APPL2: variants seen among roughly 807,000 people sequenced by gnomAD.
The protein encoded by APPL2 is DCC-interacting protein 13-beta.
APPL2 carries 84 observed loss-of-function variants against 92.7 expected under a neutral mutation model. The ratio of observed to expected loss-of-function variants is 0.91; its 90% CI spans 0.76 to 1.09. The LOEUF is 1.09. APPL2 is among the 50% of genes least tolerant of loss of function. The pLI is 0.00. For synonymous variants in APPL2, 291 were observed against 291.0 expected (o/e 1.00, Z 0.00); for missense variants, 736 against 824.5 (o/e 0.89, Z 1.31).
intron 4 of APPL2, among the ~76,000 whole-genome samples, chr12:105,214,020 T>C (rs1394321634): frequency 6.6e-6 from 1 of 152,058 alleles, no homozygotes; most frequent in African/African-American, 2.4e-5. Context: ...ACCCCGTCTC[T>C]ACTAAAAATA....
rs1352538358 is a variant in APPL2, at chr12:105,186,716, CAT to C, written c.1634+1555_1634+1556del. On this transcript the variant is annotated intron_variant, in intron 17 of 20. Transcript: ENST00000258530. ...TCATATATCATATCATATATCATAT[CAT>C]ATATATATCATATATATCATATATA... Among the ~76,000 whole-genome samples the C allele has an allele frequency of 2.6e-3, 285 of 108,472 alleles. 2 individuals are homozygous for C. Among genetic ancestry groups the C allele is most frequent in the African/African-American group, 0.015 (269 of 18,524 alleles). The allele number at this position is 108,472 out of a possible 152,430, so 71.2% of individuals were successfully genotyped here.
At chr12:105,196,584 C>T (rs1002718317) in intron 11 of APPL2, among the ~76,000 whole-genome samples, 3 of 151,782 alleles carry the variant, frequency 2.0e-5, no homozygotes, top group South Asian at 2.1e-4. Context: ...TACAGGCATG[C>T]GCCACCACTA....
At chr12:105,235,065 C>G (rs1891149918) in intron 1 of APPL2, among the ~76,000 whole-genome samples, 1 of 152,082 alleles carries the variant, frequency 6.6e-6, no homozygotes, top group African/African-American at 2.4e-5. Context: ...AAGTGTGAAA[C>G]GAAAATAGGT....
At chr12:105,206,194 G>GT (rs1566078586) in intron 8 of APPL2, among the ~76,000 whole-genome samples, 1 of 152,276 alleles carries the variant, frequency 6.6e-6, no homozygotes, top group African/African-American at 2.4e-5. Context: ...TGAAGTTTTT[G>GT]TTTTTTAATA....
intron 13 of APPL2, 25 bp downstream of exon 13, chr12:105,195,420 T>C (rs772002595): frequency 1.2e-6 from 2 of 1,613,888 alleles, no homozygotes; most frequent in Non-Finnish European, 1.7e-6. Context: ...AGAAAAGGGC[T>C]GAGATGCCGG....
intron 9 of APPL2, among the ~76,000 whole-genome samples, chr12:105,200,541 T>A (rs1888070540): frequency 1.3e-5 from 2 of 152,198 alleles, no homozygotes. Context: ...AAATGGTGGC[T>A]GCCCTTTTCC....
In APPL2 at chr12:105,235,978, G is replaced by A; in HGVS notation, c.35C>T (p.Ala12Val). ...PAVDKLLLEE[A>V]LQDSPQTRSL... ...AGGTACCTGGGGGCTGTCCTGCAAC[G>A]CCTCCTCTAGCAGGAGCTTGTCCAC... The change falls in exon 1 of 21, where the codon GCG becomes GTG. Residue 12 changes from alanine to valine, a missense_variant. Ala to Val is a moderately conservative substitution (Grantham distance 64, BLOSUM62 0). Coordinates refer to ENST00000258530, the MANE Select transcript of APPL2 (RefSeq NM_018171.5). 8.0e-7 allele frequency: 1 copy of A among 1,252,874 alleles called. No individual in the cohort carries two copies. The highest frequency in any genetic ancestry group is 1.0e-6 in the Non-Finnish European group (1 of 990,508). The allele number at this position is 1,252,874 out of a possible 1,614,324, so 77.6% of individuals were successfully genotyped here. A position where few individuals can be genotyped will look rare whatever the true frequency, so the allele number is the denominator to read the frequency against.
chr12:105,221,153 A>G lies in APPL2; in HGVS notation c.154-3428T>C, dbSNP rs1001209545. Among the ~76,000 whole-genome samples, 3 of 152,208 alleles carry G rather than the reference A, an allele frequency of 2.0e-5. No individual in the cohort carries two copies. The East Asian group carries it at 5.8e-4, about 29-fold the overall frequency. On this transcript the variant is annotated intron_variant, in intron 2 of 20. Transcript: ENST00000258530. ...ATGCTTTACCAACATCAGCTAATTA[A>G]TCCACGCCCTGTGCCCTGTGAGGTA... is the stretch of plus-strand genomic sequence containing the variant.
intron 17 of APPL2, among the ~76,000 whole-genome samples, chr12:105,177,983 G>A (rs1885716750): frequency 6.6e-6 from 1 of 152,094 alleles, no homozygotes; most frequent in Non-Finnish European, 1.5e-5. Flanking sequence ...TAGAAGTGGG[G>A]TTTCACCATG....
intron 9 of APPL2, among the ~76,000 whole-genome samples, chr12:105,202,396 G>A (rs1311477076): frequency 6.6e-6 from 1 of 152,210 alleles, no homozygotes; most frequent in Non-Finnish European, 1.5e-5. Flanking sequence ...GCAGAAAGAG[G>A]AAACCATGGC....
At chr12:105,186,681 C>CATTATATCATATATGATATATCAT (rs1886724529) in intron 17 of APPL2, among the ~76,000 whole-genome samples, 1 of 45,466 alleles carries the variant, frequency 2.2e-5, no homozygotes, top group Non-Finnish European at 4.2e-5. Context: ...TATGATATAT[C>CATTATATCATATATGATATATCAT]ATATATATAT....
At chr12:105,188,246 A>G (rs1398188407) in intron 17 of APPL2, 27 bp downstream of exon 17, 6 of 1,611,178 alleles carry the variant, frequency 3.7e-6, no homozygotes, top group Non-Finnish European at 5.1e-6. Context: ...AAGCCATAAG[A>G]AAGTCTGAAA....
intron 1 of APPL2, among the ~76,000 whole-genome samples, chr12:105,231,958 T>C (rs1327767082): frequency 6.6e-6 from 1 of 152,128 alleles, no homozygotes; most frequent in East Asian, 1.9e-4. Flanking sequence ...AGACCAAGAA[T>C]AAAGCAAAGG....
intron 4 of APPL2, among the ~76,000 whole-genome samples, chr12:105,211,615 C>T (rs1889224030): frequency 6.6e-6 from 1 of 152,196 alleles, no homozygotes; most frequent in Non-Finnish European, 1.5e-5. Flanking sequence ...CCACTCTGGG[C>T]CCCACCCCAC....
At chr12:105,202,952 G>A (rs897163063) in intron 9 of APPL2, among the ~76,000 whole-genome samples, 4 of 151,156 alleles carry the variant, frequency 2.6e-5, no homozygotes, top group Non-Finnish European at 4.4e-5. Context: ...CTTTCTCTTC[G>A]TGTATCCACA....
chr12:105,202,901 T>G (rs1435341771), intron 9 of APPL2, among the ~76,000 whole-genome samples: 1 of 152,234 alleles, frequency 6.6e-6, no homozygotes, highest in East Asian at 1.9e-4. Context: ...TTAGCCTTCA[T>G]GAGGTGTGGT....
intron 17 of APPL2, among the ~76,000 whole-genome samples, chr12:105,187,682 A>G (rs950157556): frequency 3.3e-5 from 5 of 152,342 alleles, no homozygotes; most frequent in Non-Finnish European, 7.3e-5. Flanking sequence ...TAACCTAAAA[A>G]ATTAGTGAGA....
intron 1 of APPL2, chr12:105,233,209 G>A: frequency 1.0e-6 from 1 of 985,406 alleles, no homozygotes; most frequent in Non-Finnish European, 1.2e-6. Context: ...ATCTGTCTCT[G>A]GAACAAACTG....
chr12:105,181,762 G>A (rs1486514075), intron 17 of APPL2, among the ~76,000 whole-genome samples: 1 of 152,136 alleles, frequency 6.6e-6, no homozygotes, highest in Non-Finnish European at 1.5e-5. Flanking sequence ...GGTGTTTATA[G>A]TATTCTCTGT....
Sources: gnomAD v4.1 joint callset for allele counts (sites outside exome capture counted in the v4.1 genomes callset) on GRCh38, gnomAD v4.1.1 for gene constraint, MANE v1.5 for transcripts, NCBI Gene and HGNC (gene_info 2026-07-23, HGNC 2026-07-21) for gene names.